The following SLC22A12 variants were observed in gnomAD, a reference collection of about 807,000 sequenced individuals.
SLC22A12 encodes solute carrier family 22 member 12.
Under a neutral mutation model 52.7 loss-of-function variants are expected in SLC22A12, and 56 were observed. That is an observed-to-expected ratio of 1.06 (90% CI 0.86 to 1.33). The LOEUF is 1.33. Ranked by LOEUF, SLC22A12 falls within the 40% of genes most tolerant of loss-of-function variation. The pLI is 0.00. For synonymous variants in SLC22A12, 337 were observed against 324.6 expected (o/e 1.04, Z -0.41); for missense variants, 683 against 741.5 (o/e 0.92, Z 0.92).
intron 4 of SLC22A12, among the ~76,000 whole-genome samples, chr11:64,595,991 T>TG (rs2039191049): frequency 1.6e-5 from 2 of 121,394 alleles, no homozygotes; most frequent in African/African-American, 6.3e-5. Flanking sequence ...TTGGAATAGA[T>TG]GGAATGGATG....
At chr11:64,597,900 AC>A (rs1471775139) in intron 4 of SLC22A12, among the ~76,000 whole-genome samples, 1 of 152,054 alleles carries the variant, frequency 6.6e-6, no homozygotes, top group Non-Finnish European at 1.5e-5. Flanking sequence ...GATAGCAGAG[AC>A]TCAGGTGCGA....
chr11:64,598,790 C>A lies in SLC22A12; in HGVS notation c.955-18C>A. 1.9e-6 allele frequency: 3 copies of A among 1,611,950 alleles called. No individual in the cohort carries two copies. Among genetic ancestry groups the A allele is most frequent in the Non-Finnish European group, 2.5e-6 (3 of 1,179,878 alleles). On this transcript the variant is annotated intron_variant, in intron 5 of 9. Transcript: ENST00000377574. ...CTGGCGCCCCCAGTGCCAACAGCAC[C>A]CACCCCCGCCTCCACAGGTCTTGCT...
chr11:64,592,617 T>C (rs1457449962), intron 1 of SLC22A12, among the ~76,000 whole-genome samples, 162 bp from the exon 2 acceptor site: 1 of 152,170 alleles, frequency 6.6e-6, no homozygotes, highest in Non-Finnish European at 1.5e-5. Context: ...AAACTATGCC[T>C]GTGGGTGCCC....
chr11:64,592,883 G>T lies in SLC22A12; in HGVS notation c.506+1G>T. 6.2e-7 allele frequency: 1 copy of T among 1,613,048 alleles called. No individual in the cohort carries two copies. The highest frequency in any genetic ancestry group is 8.5e-7 in the Non-Finnish European group (1 of 1,179,680). On this transcript the variant is annotated splice_donor_variant, in intron 2 of 9. Coordinates refer to ENST00000377574, the MANE Select transcript of SLC22A12 (RefSeq NM_144585.4). LOFTEE classifies it high-confidence loss of function. ...CTGCGTGCGGCCCTGCCTCAGACAG[G>T]TGAGTACCCCCAGTCCAGGCAGGTC...
At chr11:64,596,005 G>A (rs1393143848) in intron 4 of SLC22A12, among the ~76,000 whole-genome samples, 11 of 102,830 alleles carry the variant, frequency 1.1e-4, no homozygotes, top group African/African-American at 3.2e-4. Context: ...ATGGATGGAT[G>A]GATGGATGGA....
chr11:64,601,741 T>G lies in SLC22A12; in HGVS notation c.*190T>G. 1.7e-5 allele frequency: 10 copies of G among 603,634 alleles called. No homozygotes were observed. The highest frequency in any genetic ancestry group is 1.8e-5 in the Non-Finnish European group (6 of 336,676). 37.4% of individuals were successfully genotyped at this position (603,634 alleles called of 1,614,324 possible). A position where few individuals can be genotyped will look rare whatever the true frequency, so the allele number is the denominator to read the frequency against. ...TCACAGTCCAAGGGGCCCCCTTCAA[T>G]ACTGAAGGGGAAAAGGACAGTTTGA... On this transcript the variant is annotated 3_prime_UTR_variant, in exon 10 of 10. Coordinates refer to ENST00000377574, the MANE Select transcript of SLC22A12 (RefSeq NM_144585.4).
At chr11:64,599,980 A>G (rs2039399104) in intron 7 of SLC22A12, 90 bp downstream of exon 7, 6 of 1,464,748 alleles carry the variant, frequency 4.1e-6, no homozygotes, top group Non-Finnish European at 5.6e-6. Context: ...GTGCTGGACT[A>G]GAGCAGGTAC....
chr11:64,592,012 G>A, intron 1 of SLC22A12, 54 bp downstream of exon 1: 10 of 1,589,592 alleles, frequency 6.3e-6, no homozygotes, highest in Non-Finnish European at 8.5e-6. Flanking sequence ...GTCAGTCATG[G>A]ATCACGGTGG....
At chr11:64,593,877 C>A in intron 4 of SLC22A12, 74 bp downstream of exon 4, 1 of 1,555,384 alleles carries the variant, frequency 6.4e-7, no homozygotes, top group East Asian at 2.4e-5. Flanking sequence ...GGGAGACTCT[C>A]CTTTCCCTGG....
intron 4 of SLC22A12, among the ~76,000 whole-genome samples, chr11:64,597,606 C>T (rs989564810): frequency 1.3e-5 from 2 of 152,240 alleles, no homozygotes; most frequent in African/African-American, 2.4e-5. Flanking sequence ...CACTTCTCCC[C>T]TCTGTTCTGC....
At position 64,598,931 on chromosome 11, in the gene SLC22A12, C is replaced by A. The variant is rs1337925793; in HGVS notation, c.1070+8C>A. Reference sequence around the variant, plus strand: ...TATCTCCACGTTGTGCTGGTAGATGCCCTTCCCCCAACCCCACCTCCACAG... The same window carrying A: ...TATCTCCACGTTGTGCTGGTAGATGACCTTCCCCCAACCCCACCTCCACAG... On this transcript the variant is annotated splice_region_variant and intron_variant, in intron 6 of 9. Coordinates refer to ENST00000377574, the MANE Select transcript of SLC22A12 (RefSeq NM_144585.4). 6.2e-7 allele frequency: 1 copy of A among 1,612,292 alleles called. No individual in the cohort carries two copies. Among genetic ancestry groups the A allele is most frequent in the South Asian group, 1.1e-5 (1 of 91,000 alleles).
intron 1 of SLC22A12, 140 bp from the exon 2 acceptor site, chr11:64,592,639 C>G (rs921396573): frequency 5.3e-6 from 4 of 759,700 alleles, no homozygotes; most frequent in African/African-American, 5.1e-5. Context: ...CACTGTTCCA[C>G]AGGGTCTTGC....
Position 64,592,542 on chromosome 11 carries a change from T to C in SLC22A12, c.403-237T>C, listed in dbSNP as rs7110778. On this transcript the variant is annotated intron_variant, in intron 1 of 9. Coordinates refer to ENST00000377574, the MANE Select transcript of SLC22A12 (RefSeq NM_144585.4). ...AGGGGCAGATGTGGCTAGAGACCCA[T>C]TGGGCAATAGGGAGCCATGGAAGAG... Among the ~76,000 whole-genome samples the C allele has an allele frequency of 0.08, 12,100 of 151,992 alleles. 1,578 individuals are homozygous for C. The highest frequency in any genetic ancestry group is 0.28 in the African/African-American group (11,390 of 41,388).
intron 4 of SLC22A12, among the ~76,000 whole-genome samples, chr11:64,597,214 T>A (rs1565138334): frequency 6.6e-6 from 1 of 152,074 alleles, no homozygotes; most frequent in Non-Finnish European, 1.5e-5. Flanking sequence ...CCCACAATGA[T>A]CTGGCCACCA....
At position 64,592,761 on chromosome 11, in the gene SLC22A12, C is replaced by T. The variant is rs2038961357; in HGVS notation, c.403-18C>T. On this transcript the variant is annotated intron_variant, in intron 1 of 9. Transcript: ENST00000377574. ...GCTCTCCCAACCTCCTGAGCTCAGC[C>T]TCCTCCTCTCCCATCAGTGGAACCT... The T allele has an allele frequency of 6.2e-7, 1 of 1,603,082 alleles. No homozygotes were observed.
In SLC22A12 at chr11:64,593,575, G is replaced by A. The variant is rs1446083621; in HGVS notation, c.661+16G>A. 1.1e-5 allele frequency: 17 copies of A among 1,614,022 alleles called. No homozygotes were observed. The Admixed American group carries it at 2.5e-4, about 24-fold the overall frequency. ...GGCACTCTCCGTAGGTCTCTGACCTGGCGCCATGCAGGGGGGCTCCATGCA... is the reference window on the plus strand; with the variant it reads ...GGCACTCTCCGTAGGTCTCTGACCTAGCGCCATGCAGGGGGGCTCCATGCA... On this transcript the variant is annotated intron_variant, in intron 3 of 9. Transcript: ENST00000377574.
At chr11:64,599,990 C>A in intron 7 of SLC22A12, 100 bp downstream of exon 7, 1 of 1,428,682 alleles carries the variant, frequency 7.0e-7, no homozygotes, top group South Asian at 1.2e-5. Context: ...AGAGCAGGTA[C>A]CCTGGTAGGA....
intron 1 of SLC22A12, 80 bp downstream of exon 1, chr11:64,592,038 C>T: frequency 6.4e-7 from 1 of 1,557,156 alleles, no homozygotes; most frequent in Non-Finnish European, 8.6e-7. Flanking sequence ...ACTCAAAGGT[C>T]CAGTCCTGGG....
At chr11:64,595,015 A>G (rs1404419721) in intron 4 of SLC22A12, among the ~76,000 whole-genome samples, 2 of 97,958 alleles carry the variant, frequency 2.0e-5, no homozygotes, top group Admixed American at 1.0e-4. Flanking sequence ...GGATGGATGG[A>G]TGGATGGTTG....
Sources: allele counts gnomAD v4.1 joint callset (sites outside exome capture counted in the v4.1 genomes callset), GRCh38; gene constraint gnomAD v4.1.1; transcripts MANE v1.5; gene names NCBI Gene and HGNC (gene_info 2026-07-23, HGNC 2026-07-21).